STOX2: variants seen among roughly 807,000 people sequenced by gnomAD.
The protein encoded by STOX2 is storkhead box 2.
STOX2 carries 28 observed loss-of-function variants against 60.9 expected under a neutral mutation model. The observed-to-expected ratio is 0.46, with a 90% CI of 0.34 to 0.63. The LOEUF is 0.63. STOX2 is among the 30% of genes least tolerant of loss of function. The pLI is 0.01. For synonymous variants in STOX2, 472 were observed against 463.9 expected (o/e 1.02, Z -0.22); for missense variants, 1,024 against 1,187.7 (o/e 0.86, Z 2.03).
chr4:183,891,358 TTATATATATATATATATATATA>T (rs60300009), intron 1 of STOX2, among the ~76,000 whole-genome samples: 1,162 of 85,164 alleles, frequency 0.014, 31 homozygotes, highest in African/African-American at 0.041. Context: ...ATGATGGAAT[TTATATATATATATATATATATA>T]TATATATATA....
chr4:183,890,021 A>G (rs1741169134), intron 1 of STOX2, among the ~76,000 whole-genome samples: 2 of 152,168 alleles, frequency 1.3e-5, no homozygotes, highest in Non-Finnish European at 2.9e-5. Context: ...AAAAAAATTA[A>G]TTTCCAGCTG....
intron 1 of STOX2, among the ~76,000 whole-genome samples, chr4:183,934,069 C>T (rs542821996): frequency 5.9e-5 from 9 of 152,070 alleles, no homozygotes; most frequent in Middle Eastern, 3.4e-3. Flanking sequence ...TTTGGGAGGC[C>T]GAGACGGGTG....
chr4:183,865,489 G>A lies in STOX2; in HGVS notation c.364+67434G>A, dbSNP rs573196929. ...CCGTATTTTCTCTAAATGAGCTTAC[G>A]GTCTGTTTGGGGAGATAAGTATTAT... On this transcript the variant is annotated intron_variant, in intron 1 of 2. Coordinates refer to the STOX2 transcript ENST00000513034. This position sits in a 1 kb window ranked among gnomAD's most constrained non-coding sequence, Gnocchi z 4.1. 8.5e-5 allele frequency among the ~76,000 whole-genome samples: 13 copies of A among 152,170 alleles called. 1 individual carries two copies. In the South Asian group the frequency reaches 2.3e-3, roughly 27 times the overall value.
In STOX2 at chr4:183,806,488, A is replaced by C. The variant is rs11722400; in HGVS notation, c.364+8433A>C. On this transcript the variant is annotated intron_variant, in intron 1 of 2. Transcript: ENST00000513034. The surrounding 1 kb of genome is among the most constrained non-coding windows in gnomAD (Gnocchi z 4.1). ...GGGCGCCCCATCTTCCTGCCGCCTG[A>C]GGTTGCTGCAGCCTTCTGTCTTCAC... 0.39 allele frequency among the ~76,000 whole-genome samples: 58,611 copies of C among 151,884 alleles called. 11,571 individuals are homozygous for C. Among genetic ancestry groups the C allele is most frequent in the South Asian group, 0.44 (2,133 of 4,810 alleles).
At chr4:183,931,698 G>T (rs1277195004) in intron 1 of STOX2, among the ~76,000 whole-genome samples, 1 of 152,136 alleles carries the variant, frequency 6.6e-6, no homozygotes, top group East Asian at 1.9e-4. Flanking sequence ...TGCCTTGTAG[G>T]TTGGATGACC....
chr4:183,866,948 G>T (rs1415763246), intron 1 of STOX2, among the ~76,000 whole-genome samples: 1 of 152,074 alleles, frequency 6.6e-6, no homozygotes, highest in South Asian at 2.1e-4. Context: ...ATGAATAGAA[G>T]TTGAAGCAAT....
intron 1 of STOX2, among the ~76,000 whole-genome samples, chr4:183,898,673 T>C (rs1302591520): frequency 1.3e-5 from 2 of 151,866 alleles, no homozygotes; most frequent in African/African-American, 4.8e-5. Context: ...TGGGCAGAGG[T>C]ACCATGGATA....
At position 184,011,437 on chromosome 4, in the gene STOX2, T is replaced by G. The variant is rs773276281; in HGVS notation, c.2585+14T>G. On this transcript the variant is annotated intron_variant, in intron 3 of 3. Transcript: ENST00000308497. The surrounding 1 kb of genome is among the most constrained non-coding windows in gnomAD (Gnocchi z 4.4). ...CAACTCCCCACGGTAGGGAGAGGTG[T>G]CTCTGTGCACACACATGCGCCTAGC... is the stretch of plus-strand genomic sequence containing the variant. 1 of 1,605,044 alleles carries G rather than the reference T, an allele frequency of 6.2e-7. No individual in the cohort carries two copies. The highest frequency in any genetic ancestry group is 8.5e-7 in the Non-Finnish European group (1 of 1,175,420).
intron 1 of STOX2, among the ~76,000 whole-genome samples, chr4:183,835,581 TGTTA>T (rs1405660577): frequency 1.3e-5 from 2 of 152,184 alleles, no homozygotes; most frequent in African/African-American, 4.8e-5. Flanking sequence ...TTTTTAAATA[TGTTA>T]ATTAATTAAT....
At chr4:183,948,537 A>G (rs1483761831) in intron 1 of STOX2, among the ~76,000 whole-genome samples, 1 of 53,262 alleles carries the variant, frequency 1.9e-5, no homozygotes, top group Non-Finnish European at 4.1e-5. Context: ...TTAATGCCTT[A>G]TCCTTTTTTT....
At position 184,011,328 on chromosome 4, in the gene STOX2, C is replaced by A. The variant is rs75579427; in HGVS notation, c.2490C>A (p.Thr830=). 6.2e-7 allele frequency: 1 copy of A among 1,613,966 alleles called. No individual in the cohort carries two copies. The highest frequency in any genetic ancestry group is 8.5e-7 in the Non-Finnish European group (1 of 1,179,876). The change falls in exon 3 of 4, where the codon ACC becomes ACA. Residue 830 remains threonine (T), a synonymous_variant. Transcript: ENST00000308497. The surrounding 1 kb of genome is among the most constrained non-coding windows in gnomAD (Gnocchi z 4.4). ...KNLTLLAPKE[T]DSSSNQRATH... ...TCACCCTTCTTGCTCCAAAAGAAAC[C>A]GACAGCAGCAGCAACCAGAGAGCCA...
intron 1 of STOX2, among the ~76,000 whole-genome samples, chr4:183,908,655 G>A (rs1415520559): frequency 7.4e-6 from 1 of 134,582 alleles, no homozygotes; most frequent in Non-Finnish European, 1.5e-5. Context: ...TGCATTCTTT[G>A]CAAAAGAACT....
In STOX2 at chr4:183,966,915, A is replaced by T. The variant is rs534673731; in HGVS notation, c.167-34410A>T. 5.9e-5 allele frequency among the ~76,000 whole-genome samples: 9 copies of T among 152,082 alleles called. No homozygotes were observed. The East Asian group carries it at 1.7e-3, about 29-fold the overall frequency. On this transcript the variant is annotated intron_variant, in intron 1 of 3. Coordinates refer to ENST00000308497, the MANE Select transcript of STOX2 (RefSeq NM_020225.3). ...ACTGTGACCTTGGGCAAGTTACCTA[A>T]CTCTCCCTGATTTCATTCATGAAAT... is the stretch of plus-strand genomic sequence containing the variant.
intron 2 of STOX2, among the ~76,000 whole-genome samples, chr4:184,002,513 C>T (rs768224396): frequency 3.3e-5 from 5 of 152,228 alleles, no homozygotes; most frequent in Non-Finnish European, 7.3e-5. Flanking sequence ...GTGGGTTCCC[C>T]AGGAGTCAGC....
chr4:183,996,882 T>C (rs1320624452), intron 1 of STOX2, among the ~76,000 whole-genome samples: 1 of 152,216 alleles, frequency 6.6e-6, no homozygotes, highest in Non-Finnish European at 1.5e-5. Context: ...GGTAAACTTA[T>C]TTGTTCTCTT....
chr4:183,963,799 G>A (rs1327061049), intron 1 of STOX2, among the ~76,000 whole-genome samples: 6 of 145,254 alleles, frequency 4.1e-5, no homozygotes, highest in South Asian at 2.2e-4. Flanking sequence ...TTTTTGAGAC[G>A]GAGTCTCGCT....
chr4:183,945,968 G>A (rs778145471), intron 1 of STOX2, among the ~76,000 whole-genome samples: 1 of 152,128 alleles, frequency 6.6e-6, no homozygotes. Context: ...AATGTAGTCC[G>A]TAGCTCCCTT....
At chr4:183,841,731 A>G (rs1026324808) in intron 1 of STOX2, among the ~76,000 whole-genome samples, 11 of 152,262 alleles carry the variant, frequency 7.2e-5, no homozygotes, top group Non-Finnish European at 1.5e-4. Flanking sequence ...AATACATGCC[A>G]GATGATTATA....
intron 1 of STOX2, among the ~76,000 whole-genome samples, chr4:183,918,027 C>T (rs759354543): frequency 1.3e-5 from 2 of 152,208 alleles, no homozygotes; most frequent in African/African-American, 2.4e-5. Flanking sequence ...TACATCTTTG[C>T]TACTGTTATT....
Sources: allele counts gnomAD v4.1 joint callset (sites outside exome capture counted in the v4.1 genomes callset), GRCh38; gene constraint gnomAD v4.1.1; non-coding constraint Gnocchi (gnomAD v3.1); transcripts MANE v1.5; gene names NCBI Gene and HGNC (gene_info 2026-07-23, HGNC 2026-07-21).